The following MYO6 variants were observed in gnomAD, a reference collection of about 807,000 sequenced individuals.
The protein encoded by MYO6 is myosin VI.
MYO6 carries 74 observed loss-of-function variants against 178.7 expected under a neutral mutation model. The observed-to-expected ratio is 0.41, with a 90% CI of 0.34 to 0.50. MYO6 has a LOEUF of 0.50. Ranked by LOEUF, MYO6 falls within the 20% of genes least tolerant of loss-of-function variation. The pLI, the probability that MYO6 is intolerant of heterozygous loss-of-function variation, is 0.09. For missense variants in MYO6, 1,330 were observed against 1,547.4 expected, an observed-to-expected ratio of 0.86 and a Z score of 2.36; for synonymous variants, 477 against 504.6, an observed-to-expected ratio of 0.95 and a Z score of 0.73.
chr6:75,903,932 A>G (rs554118902), intron 30 of MYO6, among the ~76,000 whole-genome samples: 1 of 151,384 alleles, frequency 6.6e-6, no homozygotes, highest in South Asian at 2.1e-4. Flanking sequence ...GGTGGTGACA[A>G]AATCTCTCAG....
At chr6:75,787,724 C>CTATA (rs1562158496) in intron 1 of MYO6, among the ~76,000 whole-genome samples, 7 of 24,410 alleles carry the variant, frequency 2.9e-4, no homozygotes, top group Non-Finnish European at 4.5e-4. Flanking sequence ...CTCTCTCTCT[C>CTATA]TCTCTCTATA....
At chr6:75,755,966 T>C (rs1056595448) in intron 1 of MYO6, among the ~76,000 whole-genome samples, 11 of 152,240 alleles carry the variant, frequency 7.2e-5, no homozygotes, top group Non-Finnish European at 1.2e-4. Context: ...ACTTACTTGC[T>C]CTGGAATATT....
At chr6:75,909,495 G>A (rs1379096572) in intron 32 of MYO6, among the ~76,000 whole-genome samples, 1 of 152,130 alleles carries the variant, frequency 6.6e-6, no homozygotes, top group Admixed American at 6.6e-5. Flanking sequence ...TTTTGATTGG[G>A]ATCCTGAACA....
chr6:75,795,959 C>G (rs1362841833), intron 1 of MYO6, among the ~76,000 whole-genome samples: 2 of 151,938 alleles, frequency 1.3e-5, no homozygotes, highest in Non-Finnish European at 2.9e-5. Context: ...ACACAAAGTC[C>G]CATAAGATCT....
chr6:75,820,704 T>C (rs989066484), intron 2 of MYO6, among the ~76,000 whole-genome samples: 8 of 152,116 alleles, frequency 5.3e-5, no homozygotes, highest in African/African-American at 1.9e-4. Context: ...AAACTACTTA[T>C]TTTTCTTTTA....
chr6:75,866,888 A>G, intron 17 of MYO6, 44 bp from the exon 18 acceptor site: 1 of 1,592,980 alleles, frequency 6.3e-7, no homozygotes, highest in Non-Finnish European at 8.6e-7. Flanking sequence ...AAGTGATGTT[A>G]TCACAAGATG....
At chr6:75,886,192 G>A in intron 24 of MYO6, 98 bp downstream of exon 24, 1 of 747,296 alleles carries the variant, frequency 1.3e-6, no homozygotes, top group Admixed American at 2.4e-5. Context: ...GGATACTCAG[G>A]TTTTCTCATG....
At chr6:75,811,592 T>G (rs1770704218) in intron 1 of MYO6, among the ~76,000 whole-genome samples, 1 of 152,222 alleles carries the variant, frequency 6.6e-6, no homozygotes, top group East Asian at 1.9e-4. Context: ...GCCATTCTTT[T>G]TTGGACTTTG....
At chr6:75,864,120 T>C (rs1583304074) in intron 16 of MYO6, among the ~76,000 whole-genome samples, 1 of 152,194 alleles carries the variant, frequency 6.6e-6, no homozygotes, top group Admixed American at 6.5e-5. Context: ...AAAAGCCGTT[T>C]AGAGTTGCCT....
intron 2 of MYO6, 73 bp downstream of exon 2, chr6:75,817,737 C>T: frequency 7.7e-7 from 1 of 1,290,934 alleles, no homozygotes; most frequent in Non-Finnish European, 1.1e-6. Context: ...AGAGTAAGGT[C>T]TGTCTTCTTA....
chr6:75,760,520 G>A (rs543919093), intron 1 of MYO6, among the ~76,000 whole-genome samples: 4 of 152,176 alleles, frequency 2.6e-5, no homozygotes, highest in East Asian at 3.9e-4. Context: ...AGGAAAAGCC[G>A]TATTGTGCAG....
chr6:75,765,867 TA>T (rs1280482912), intron 1 of MYO6, among the ~76,000 whole-genome samples: 2 of 151,540 alleles, frequency 1.3e-5, no homozygotes, highest in African/African-American at 2.4e-5. Context: ...CTACTAAGAA[TA>T]AAAAAAAGGT....
chr6:75,792,990 T>C (rs1460892341), intron 1 of MYO6, among the ~76,000 whole-genome samples: 2 of 151,962 alleles, frequency 1.3e-5, no homozygotes, highest in East Asian at 3.9e-4. Flanking sequence ...CAAGATCTCG[T>C]CATGTTGACC....
intron 1 of MYO6, among the ~76,000 whole-genome samples, chr6:75,762,606 A>C (rs1460667698): frequency 6.6e-6 from 1 of 152,154 alleles, no homozygotes; most frequent in Non-Finnish European, 1.5e-5. Context: ...CCCCACTCTC[A>C]AGTCCAGGGA....
chr6:75,817,625 C>T lies in MYO6; in HGVS notation c.78C>T (p.Pro26=), dbSNP rs144293305. 6.9e-5 allele frequency: 111 copies of T among 1,614,054 alleles called. No individual in the cohort carries two copies. The highest frequency in any genetic ancestry group is 8.6e-5 in the Non-Finnish European group (101 of 1,180,008). ...FQMGNIVDIG[P]DSLTIEPLNQ... ...TGGGCAATATTGTGGATATTGGCCC[C>T]GACAGCTTAACAATTGAACCCTTGA... The change falls in exon 2 of 35, where the codon CCC becomes CCT. Residue 26 remains proline (P), a synonymous_variant. Coordinates refer to ENST00000369977, the MANE Select transcript of MYO6 (RefSeq NM_004999.4).
chr6:75,783,551 ATCT>A (rs1024806679), intron 1 of MYO6, among the ~76,000 whole-genome samples: 3 of 145,090 alleles, frequency 2.1e-5, no homozygotes, highest in Admixed American at 6.8e-5. Context: ...GACATTTGAT[ATCT>A]TCTTTTTTTT....
chr6:75,818,252 G>A (rs1771488274), intron 2 of MYO6, among the ~76,000 whole-genome samples: 1 of 152,176 alleles, frequency 6.6e-6, no homozygotes, highest in South Asian at 2.1e-4. Context: ...AAGTCTGAGG[G>A]AAAAGTGACT....
At chr6:75,754,494 T>G (rs1017639819) in intron 1 of MYO6, among the ~76,000 whole-genome samples, 1 of 116,784 alleles carries the variant, frequency 8.6e-6, no homozygotes, top group Non-Finnish European at 1.6e-5. Context: ...CAGTCCAGCC[T>G]GGACGATTGA....
At chr6:75,796,906 A>T (rs1768896802) in intron 1 of MYO6, among the ~76,000 whole-genome samples, 1 of 152,056 alleles carries the variant, frequency 6.6e-6, no homozygotes, top group Admixed American at 6.6e-5. Context: ...GTTGCTGCAA[A>T]GGGCATTATT....
Sources: allele counts gnomAD v4.1 joint callset (sites outside exome capture counted in the v4.1 genomes callset), GRCh38; gene constraint gnomAD v4.1.1; transcripts MANE v1.5; gene names NCBI Gene and HGNC (gene_info 2026-07-23, HGNC 2026-07-21).